Variants in PCDH9 observed in about 807,000 individuals in gnomAD.
The protein encoded by PCDH9 is protocadherin-9.
A neutral mutation model predicts 70.6 loss-of-function variants in PCDH9; 24 were observed. The ratio of observed to expected loss-of-function variants is 0.34; its 90% CI spans 0.25 to 0.48. The LOEUF (loss-of-function observed/expected upper bound fraction) is 0.48, where lower values mean the gene tolerates loss of function less well. Ranked by LOEUF, PCDH9 falls within the 20% of genes least tolerant of loss-of-function variation. The pLI is 0.99. For synonymous variants in PCDH9, 562 were observed against 558.5 expected, an observed-to-expected ratio of 1.01 and a Z score of -0.09; for missense variants, 1,281 against 1,503.6, an observed-to-expected ratio of 0.85 and a Z score of 2.45.
intron 2 of PCDH9, among the ~76,000 whole-genome samples, chr13:67,187,764 A>G (rs548780325): frequency 6.6e-6 from 1 of 152,186 alleles, no homozygotes; most frequent in African/African-American, 2.4e-5. Context: ...TTTAATGTTT[A>G]ATTTTTAATT....
At chr13:66,377,320 C>T (rs574629738) in intron 4 of PCDH9, among the ~76,000 whole-genome samples, 37 of 152,202 alleles carry the variant, frequency 2.4e-4, no homozygotes, top group African/African-American at 8.4e-4. Flanking sequence ...AGTCCCCGCC[C>T]TGAGTTTCTG....
chr13:66,349,596 T>A (rs1435084852), intron 4 of PCDH9, among the ~76,000 whole-genome samples: 1 of 152,146 alleles, frequency 6.6e-6, no homozygotes, highest in Non-Finnish European at 1.5e-5. Flanking sequence ...AGTGCCAATA[T>A]CTTCAAAAGC....
chr13:66,983,544 T>C lies in PCDH9; in HGVS notation c.3037-79939A>G, dbSNP rs1031475685. Reference sequence around the variant, plus strand: ...TTACTTTATCCTTTTGAGAAGGTAATTGGGAACTGATTATGTTCTCAGAAT... The same window carrying C: ...TTACTTTATCCTTTTGAGAAGGTAACTGGGAACTGATTATGTTCTCAGAAT... On this transcript the variant is annotated intron_variant, in intron 2 of 4. Coordinates refer to ENST00000377865, the MANE Select transcript of PCDH9 (RefSeq NM_203487.3). Among the ~76,000 whole-genome samples, 9 of 152,336 alleles carry C rather than the reference T, an allele frequency of 5.9e-5. No homozygotes were observed. In the South Asian group the frequency reaches 1.7e-3, roughly 28 times the overall value.
chr13:66,905,943 A>G (rs183952183), intron 2 of PCDH9, among the ~76,000 whole-genome samples: 18 of 152,274 alleles, frequency 1.2e-4, no homozygotes, highest in African/African-American at 4.1e-4. Context: ...TAATGGGTTC[A>G]TCTATAACTC....
At chr13:67,162,870 A>AAAATAT (rs1350813546) in intron 2 of PCDH9, among the ~76,000 whole-genome samples, 1 of 152,202 alleles carries the variant, frequency 6.6e-6, no homozygotes, top group Admixed American at 6.5e-5. Flanking sequence ...TATTAAACAG[A>AAAATAT]AAATATATCT....
intron 3 of PCDH9, among the ~76,000 whole-genome samples, chr13:66,647,614 G>A (rs1302129664): frequency 6.6e-6 from 1 of 152,110 alleles, no homozygotes; most frequent in Admixed American, 6.5e-5. Flanking sequence ...CTGTGACCGA[G>A]AACATTCCCA....
At chr13:66,454,289 G>C (rs1958273963) in intron 4 of PCDH9, among the ~76,000 whole-genome samples, 1 of 152,050 alleles carries the variant, frequency 6.6e-6, no homozygotes, top group Non-Finnish European at 1.5e-5. Context: ...CAACGAAGGA[G>C]AAAAAATAGC....
intron 3 of PCDH9, among the ~76,000 whole-genome samples, chr13:66,643,506 G>T (rs1189441774): frequency 6.6e-6 from 1 of 151,928 alleles, no homozygotes; most frequent in Non-Finnish European, 1.5e-5. Context: ...TTGCCCTATG[G>T]CTTTTTAGTT....
chr13:66,341,821 C>T (rs1956131690), intron 4 of PCDH9, among the ~76,000 whole-genome samples: 1 of 152,132 alleles, frequency 6.6e-6, no homozygotes, highest in Admixed American at 6.5e-5. Context: ...AGAACAGAGG[C>T]AGACTGGAGG....
chr13:67,120,187 A>AAAT (rs149316252), intron 2 of PCDH9, among the ~76,000 whole-genome samples: 2,216 of 143,720 alleles, frequency 0.015, 50 homozygotes, highest in African/African-American at 0.041. Context: ...CTCATGCATT[A>AAAT]AATAATAATA....
At chr13:67,057,099 C>T (rs1470370381) in intron 2 of PCDH9, among the ~76,000 whole-genome samples, 1 of 152,080 alleles carries the variant, frequency 6.6e-6, no homozygotes, top group African/African-American at 2.4e-5. Context: ...AAGATTGGCT[C>T]ATTTGAAAAC....
chr13:66,668,627 T>C (rs1209027427), intron 3 of PCDH9, among the ~76,000 whole-genome samples: 1 of 152,146 alleles, frequency 6.6e-6, no homozygotes, highest in East Asian at 1.9e-4. Flanking sequence ...CTTGGTGAAA[T>C]ATAGATGGTA....
At chr13:66,859,996 C>A (rs1460199447) in intron 3 of PCDH9, among the ~76,000 whole-genome samples, 1 of 152,134 alleles carries the variant, frequency 6.6e-6, no homozygotes, top group Non-Finnish European at 1.5e-5. Flanking sequence ...GTTAGTCAGT[C>A]TGTTGCACTA....
chr13:66,423,342 T>C (rs1957604317), intron 4 of PCDH9, among the ~76,000 whole-genome samples: 1 of 147,762 alleles, frequency 6.8e-6, no homozygotes, highest in African/African-American at 2.5e-5. Flanking sequence ...ATCATACTGA[T>C]ACCAAAACCT....
chr13:66,954,393 C>G (rs754318536), intron 2 of PCDH9, among the ~76,000 whole-genome samples: 19 of 151,812 alleles, frequency 1.3e-4, no homozygotes, highest in Non-Finnish European at 2.2e-4. Context: ...AAACACTCTC[C>G]TAGTGATTTC....
chr13:66,318,269 T>C (rs1955689656), intron 4 of PCDH9, among the ~76,000 whole-genome samples: 1 of 152,224 alleles, frequency 6.6e-6, no homozygotes. Context: ...CAGAGATTTT[T>C]CTGCAATCTT....
intron 2 of PCDH9, among the ~76,000 whole-genome samples, chr13:67,050,294 A>T (rs1005739698): frequency 6.6e-6 from 1 of 152,092 alleles, no homozygotes; most frequent in African/African-American, 2.4e-5. Flanking sequence ...AACTCTCCAA[A>T]CACTCCTGAG....
chr13:66,873,919 TTTTTTTTTTTTTCTTTCTTTC>T (rs1289897928), intron 3 of PCDH9, among the ~76,000 whole-genome samples: 1 of 127,128 alleles, frequency 7.9e-6, no homozygotes, highest in Non-Finnish European at 1.6e-5. Flanking sequence ...TTTTCGTTTC[TTTTTTTTTTTTTCTTTCTTTC>T]TTTTTTTTTT....
chr13:67,176,882 A>C (rs1241480973), intron 2 of PCDH9, among the ~76,000 whole-genome samples: 1 of 152,118 alleles, frequency 6.6e-6, no homozygotes. Flanking sequence ...TCTTATTACA[A>C]AATAATTAAG....
Sources: allele counts gnomAD v4.1 joint callset (sites outside exome capture counted in the v4.1 genomes callset), GRCh38; gene constraint gnomAD v4.1.1; transcripts MANE v1.5; gene names NCBI Gene and HGNC (gene_info 2026-07-23, HGNC 2026-07-21).